Variants in SDCBP2 observed in about 807,000 individuals in gnomAD.
SDCBP2 encodes the protein syntenin-2.
Under a neutral mutation model 30.7 loss-of-function variants are expected in SDCBP2, and 28 were observed. The observed-to-expected ratio is 0.91, with a 90% CI of 0.68 to 1.25. SDCBP2 has a LOEUF of 1.25. Among genes scored for constraint, SDCBP2 ranks in the 50% most tolerant of loss-of-function variants. The pLI, the probability that SDCBP2 is intolerant of heterozygous loss-of-function variation, is 0.00. For synonymous variants in SDCBP2, 166 were observed against 157.3 expected (o/e 1.06, Z -0.41); for missense variants, 399 against 379.0 (o/e 1.05, Z -0.44).
At chr20:1,325,188 T>C (rs1404450368) in intron 1 of SDCBP2, among the ~76,000 whole-genome samples, 1 of 152,162 alleles carries the variant, frequency 6.6e-6, no homozygotes, top group Non-Finnish European at 1.5e-5. Context: ...CCAGCCTCAG[T>C]TTCCTATCTG....
chr20:1,328,519 G>A (rs1476672909), intron 1 of SDCBP2, among the ~76,000 whole-genome samples: 1 of 152,144 alleles, frequency 6.6e-6, no homozygotes, highest in African/African-American at 2.4e-5. Context: ...CTGCTGAGGA[G>A]GGCATGCACT....
At chr20:1,323,918 C>G (rs1049751355) in intron 1 of SDCBP2, 1 of 151,906 alleles carries the variant, frequency 6.6e-6, no homozygotes, top group Non-Finnish European at 1.5e-5. Flanking sequence ...ATACTGTATC[C>G]CCTGCCTTGT....
chr20:1,326,138 A>G (rs757562210), intron 1 of SDCBP2, among the ~76,000 whole-genome samples: 25 of 152,212 alleles, frequency 1.6e-4, no homozygotes, highest in Non-Finnish European at 2.6e-4. Flanking sequence ...TCAAGTGGGA[A>G]GAGAGTGTGC....
Position 1,319,591 on chromosome 20 carries a change from T to C in SDCBP2, c.123A>G (p.Pro41=). ...PVQATAISPP[P]VLYPNLAELE... ...AGCCCCTCATCCCAGCCCACTCACCTGGTGGTGGGGAAATGGCTGTTGCCT... is the reference window on the plus strand; with the variant it reads ...AGCCCCTCATCCCAGCCCACTCACCCGGTGGTGGGGAAATGGCTGTTGCCT... The change falls in exon 3 of 9, where the codon CCA becomes CCG. Residue 41 remains proline (P), a splice_region_variant and synonymous_variant. Coordinates refer to ENST00000360779, the MANE Select transcript of SDCBP2 (RefSeq NM_080489.5). 1.3e-6 allele frequency: 2 copies of C among 1,566,846 alleles called. No homozygotes were observed. The highest frequency in any genetic ancestry group is 1.7e-6 in the Non-Finnish European group (2 of 1,154,502).
chr20:1,317,325 A>G lies in SDCBP2; in HGVS notation c.225+993T>C, dbSNP rs113518647. 2.3e-3 allele frequency among the ~76,000 whole-genome samples: 353 copies of G among 152,344 alleles called. 3 individuals carry two copies. Among genetic ancestry groups the G allele is most frequent in the African/African-American group, 7.8e-3 (326 of 41,568 alleles). On this transcript the variant is annotated intron_variant, in intron 4 of 8. Coordinates refer to ENST00000360779, the MANE Select transcript of SDCBP2 (RefSeq NM_080489.5). ...TGAAGGGTACTAACAACTTCTCTGT[A>G]CTCACTTTGCATCTTCCTGGGAATC...
chr20:1,310,754 A>T (rs748455414), intron 8 of SDCBP2, 46 bp downstream of exon 8: 2 of 1,516,576 alleles, frequency 1.3e-6, no homozygotes, highest in African/African-American at 1.4e-5. Flanking sequence ...GGTGAAGGGG[A>T]TGGCAGAGGA....
chr20:1,325,244 C>T (rs1479863456), intron 1 of SDCBP2, among the ~76,000 whole-genome samples: 1 of 152,236 alleles, frequency 6.6e-6, no homozygotes, highest in Non-Finnish European at 1.5e-5. Context: ...CCTTTCTTAG[C>T]CCCAAACCAG....
chr20:1,313,683 C>A lies in SDCBP2; in HGVS notation c.226-185G>T. 7.3e-7 allele frequency: 1 copy of A among 1,365,976 alleles called. No individual in the cohort carries two copies. Among genetic ancestry groups the A allele is most frequent in the Non-Finnish European group, 9.4e-7 (1 of 1,060,864 alleles). The allele number at this position is 1,365,976 out of a possible 1,614,324, so 84.6% of individuals were successfully genotyped here. ...GTGGCTCCACGCGGCCACTAGGGGG[C>A]GTCAAAGTCCATGCCCTTAAAAAGC... is the stretch of plus-strand genomic sequence containing the variant. On this transcript the variant is annotated intron_variant, in intron 4 of 8. Coordinates refer to ENST00000360779, the MANE Select transcript of SDCBP2 (RefSeq NM_080489.5). The surrounding 1 kb of genome is among the most constrained non-coding windows in gnomAD (Gnocchi z 5.2).
intron 4 of SDCBP2, among the ~76,000 whole-genome samples, chr20:1,315,660 A>G (rs2088766177): frequency 6.6e-6 from 1 of 152,242 alleles, no homozygotes; most frequent in South Asian, 2.1e-4. Flanking sequence ...AACGCAAAAC[A>G]TAAAACTATA....
At chr20:1,317,907 A>T (rs1262207177) in intron 4 of SDCBP2, 1 of 343,672 alleles carries the variant, frequency 2.9e-6, no homozygotes, top group East Asian at 7.7e-5. Context: ...CCCCGAAGCC[A>T]TGGAAAGCAG....
At chr20:1,316,626 G>A (rs544858432) in intron 4 of SDCBP2, among the ~76,000 whole-genome samples, 2 of 152,274 alleles carry the variant, frequency 1.3e-5, no homozygotes, top group Admixed American at 1.3e-4. Context: ...CTGGGCTCAA[G>A]TGATCCACCT....
rs922724872 is a variant in SDCBP2 at position 1,310,325 on chromosome 20, T to C, written c.*116A>G. On this transcript the variant is annotated 3_prime_UTR_variant, in exon 9 of 9. Transcript: ENST00000360779. The stretch of plus-strand genomic sequence containing the variant: ...GGTCACCCTCCTGGACACGCCCCCC[T>C]CATGGCAGCCCCCACCTTAAGCAGC... The C allele has an allele frequency of 5.5e-6, 6 of 1,083,122 alleles. No individual in the cohort carries two copies. Among genetic ancestry groups the C allele is most frequent in the Admixed American group, 3.8e-5 (2 of 51,954 alleles). The allele number at this position is 1,083,122 out of a possible 1,614,324, so 67.1% of individuals were successfully genotyped here.
chr20:1,326,493 T>G (rs1395093676), intron 1 of SDCBP2, among the ~76,000 whole-genome samples: 1 of 152,240 alleles, frequency 6.6e-6, no homozygotes. Flanking sequence ...TGCTAGTTCA[T>G]GCCTCCATGC....
Position 1,313,056 on chromosome 20 carries a change from T to A in SDCBP2, c.384+284A>T, listed in dbSNP as rs112413625. The A allele has an allele frequency of 7.5e-3, 4,387 of 586,716 alleles. 141 individuals carry two copies. Among genetic ancestry groups the A allele is most frequent in the African/African-American group, 0.073 (3,904 of 53,556 alleles). 36.3% of individuals were successfully genotyped at this position (586,716 alleles called of 1,614,324 possible). ...TCCCTGGCGTCGGCTGTCTACACCG[T>A]CGCCTGGAAGCTAGATGCCCTGGGC... On this transcript the variant is annotated intron_variant, in intron 5 of 8. Coordinates refer to ENST00000360779, the MANE Select transcript of SDCBP2 (RefSeq NM_080489.5). This position sits in a 1 kb window ranked among gnomAD's most constrained non-coding sequence, Gnocchi z 5.2.
chr20:1,312,840 C>A, intron 5 of SDCBP2, 78 bp from the exon 6 acceptor site: 1 of 1,438,510 alleles, frequency 7.0e-7, no homozygotes, highest in Middle Eastern at 1.8e-4. Context: ...TGTTGTTTTC[C>A]TCCTGATACT....
At chr20:1,323,193 G>C (rs1169038927) in intron 1 of SDCBP2, 2 of 152,236 alleles carry the variant, frequency 1.3e-5, no homozygotes, top group Admixed American at 6.5e-5. Flanking sequence ...TTTCCTGGGA[G>C]GGGAGGGAGT....
intron 7 of SDCBP2, among the ~76,000 whole-genome samples, chr20:1,311,945 G>A (rs1400286572): frequency 2.3e-5 from 3 of 130,174 alleles, no homozygotes; most frequent in African/African-American, 9.1e-5. Context: ...TGTTGCCCAG[G>A]CTGGAGTGCA....
In SDCBP2 at chr20:1,312,406, C is replaced by G. The variant is rs749430310; in HGVS notation, c.663G>C (p.Ala221=). ...KIVSLVKGSS[A]ARNGLLTNHY... Reference sequence around the variant, plus strand: ...GGTTGGTGAGGAGCCCGTTGCGGGCCGCAGAACTCCCTTTGACCAGAGAGA... The same window carrying G: ...GGTTGGTGAGGAGCCCGTTGCGGGCGGCAGAACTCCCTTTGACCAGAGAGA... The change falls in exon 7 of 9, where the codon GCG becomes GCC. Residue 221 remains alanine, a synonymous_variant. Transcript: ENST00000360779. The G allele has an allele frequency of 6.2e-6, 10 of 1,613,590 alleles. No homozygotes were observed. The East Asian group carries it at 1.8e-4, about 29-fold the overall frequency.
Position 1,310,888 on chromosome 20 carries a change from T to G in SDCBP2, c.736A>C (p.Lys246Gln). ...GTGGCCAGAATCTCCATGATCTTTT[T>G]GTCCTAGGGAGGAGGCAAGTAAGCG... ...DGQNVIGLKD[K>Q]KIMEILATAG... Residue 246 changes from lysine (K) to glutamine (Q), a missense_variant, in exon 8 of 9, where the codon AAA becomes CAA. Coordinates refer to ENST00000360779, the MANE Select transcript of SDCBP2 (RefSeq NM_080489.5). 1 of 1,613,530 alleles carries G rather than the reference T, an allele frequency of 6.2e-7. No homozygotes were observed.
Sources: allele counts gnomAD v4.1 joint callset (sites outside exome capture counted in the v4.1 genomes callset), GRCh38; gene constraint gnomAD v4.1.1; non-coding constraint Gnocchi (gnomAD v3.1); transcripts MANE v1.5; gene names NCBI Gene and HGNC (gene_info 2026-07-23, HGNC 2026-07-21).